Variants in AFG2A observed in about 807,000 individuals in gnomAD.
AFG2A encodes the protein ATPase family gene 2 protein homolog A.
the AFG2A span, among the ~76,000 whole-genome samples, chr4:123,165,282 C>G: frequency 0.034 from 5,226 of 152,106 alleles, 272 homozygotes; most frequent in African/African-American, 0.12. Context: ...TGAAAATGTT[C>G]TAATACTACA....
the AFG2A span, among the ~76,000 whole-genome samples, chr4:123,224,452 C>T: frequency 4.0e-5 from 6 of 151,692 alleles, no homozygotes; most frequent in African/African-American, 1.2e-4. Context: ...TGAGTGAGAA[C>T]ATGCGGTGTT....
the AFG2A span, chr4:123,315,771 C>T: frequency 2.0e-5 from 3 of 152,096 alleles, no homozygotes; most frequent in Admixed American, 1.3e-4. Context: ...TTTGTGGTGG[C>T]ATACATTCCT....
the AFG2A span, among the ~76,000 whole-genome samples, chr4:123,063,538 A>G: frequency 6.6e-6 from 1 of 152,168 alleles, no homozygotes; most frequent in Admixed American, 6.5e-5. Context: ...CGAGGTCAGG[A>G]GATCAAGATC....
At chr4:123,207,872 G>A in the AFG2A span, among the ~76,000 whole-genome samples, 1 of 152,152 alleles carries the variant, frequency 6.6e-6, no homozygotes, top group Non-Finnish European at 1.5e-5. Context: ...TGATCTATGG[G>A]TTCAGTGCAG....
chr4:123,111,070 A>G, the AFG2A span, among the ~76,000 whole-genome samples: 5 of 152,124 alleles, frequency 3.3e-5, no homozygotes, highest in African/African-American at 1.2e-4. Flanking sequence ...ATGTTACACA[A>G]AAGGAGATGG....
At chr4:123,209,527 A>T in the AFG2A span, among the ~76,000 whole-genome samples, 1 of 151,382 alleles carries the variant, frequency 6.6e-6, no homozygotes, top group Non-Finnish European at 1.5e-5. Context: ...AGGTGGCCCT[A>T]TGAACTGCGT....
chr4:122,967,702 A>G, the AFG2A span, among the ~76,000 whole-genome samples: 1 of 152,082 alleles, frequency 6.6e-6, no homozygotes, highest in Non-Finnish European at 1.5e-5. Flanking sequence ...AGGGTCTTGC[A>G]GTATTGCCGA....
the AFG2A span, among the ~76,000 whole-genome samples, chr4:123,009,919 T>TG: frequency 1.3e-5 from 2 of 152,240 alleles, no homozygotes; most frequent in African/African-American, 2.4e-5. Flanking sequence ...TTGTTCTCAG[T>TG]GGCTTTTCTT....
At chr4:122,983,073 G>A in the AFG2A span, among the ~76,000 whole-genome samples, 8 of 151,772 alleles carry the variant, frequency 5.3e-5, no homozygotes, top group East Asian at 1.4e-3. Context: ...TCACCATGTT[G>A]GTCAGGCTGG....
chr4:123,144,260 A>T, the AFG2A span, among the ~76,000 whole-genome samples: 48 of 152,184 alleles, frequency 3.2e-4, no homozygotes, highest in Middle Eastern at 3.4e-3. Context: ...TTAGCTCTAT[A>T]TATCTGTTGG....
the AFG2A span, among the ~76,000 whole-genome samples, chr4:123,249,247 G>T: frequency 1.3e-5 from 2 of 152,170 alleles, no homozygotes; most frequent in Non-Finnish European, 2.9e-5. Context: ...GTCATTCTGA[G>T]CAGAGGGAGA....
the AFG2A span, among the ~76,000 whole-genome samples, chr4:123,127,552 T>C: frequency 6.6e-6 from 1 of 152,188 alleles, no homozygotes; most frequent in Non-Finnish European, 1.5e-5. Flanking sequence ...GTAAACAGTT[T>C]TTTTTAATAA....
At chr4:123,052,079 A>C in the AFG2A span, among the ~76,000 whole-genome samples, 1 of 152,010 alleles carries the variant, frequency 6.6e-6, no homozygotes, top group African/African-American at 2.4e-5. Context: ...AGTAACCTGA[A>C]TATTTGTTCT....
the AFG2A span, among the ~76,000 whole-genome samples, chr4:123,128,537 T>A: frequency 1.3e-5 from 2 of 152,176 alleles, no homozygotes; most frequent in Non-Finnish European, 2.9e-5. Context: ...CACAAATTTT[T>A]TTTAAAGTTA....
At chr4:123,298,106 T>C in the AFG2A span, among the ~76,000 whole-genome samples, 7 of 74,074 alleles carry the variant, frequency 9.5e-5, no homozygotes, top group South Asian at 3.3e-4. Flanking sequence ...CATGCGTGCA[T>C]ACACATACAC....
At chr4:123,221,368 G>C in the AFG2A span, among the ~76,000 whole-genome samples, 1 of 151,960 alleles carries the variant, frequency 6.6e-6, no homozygotes, top group African/African-American at 2.4e-5. Flanking sequence ...TCATTGTGTT[G>C]CCCAAGCTGG....
chr4:122,969,940 T>C, the AFG2A span, among the ~76,000 whole-genome samples: 1 of 152,238 alleles, frequency 6.6e-6, no homozygotes, highest in Non-Finnish European at 1.5e-5. Context: ...TGGTATATAC[T>C]ACAGTGGCTC....
the AFG2A span, among the ~76,000 whole-genome samples, chr4:123,312,397 C>T: frequency 6.6e-6 from 1 of 152,186 alleles, no homozygotes; most frequent in African/African-American, 2.4e-5. Context: ...ACCATTGCTT[C>T]AAATTCTTGT....
the AFG2A span, among the ~76,000 whole-genome samples, chr4:123,004,175 A>G: frequency 1.3e-5 from 2 of 152,190 alleles, no homozygotes; most frequent in Non-Finnish European, 2.9e-5. Flanking sequence ...GGCAGTGTTC[A>G]GGTGGGAGTG....
Sources: allele counts gnomAD v4.1 joint callset (sites outside exome capture counted in the v4.1 genomes callset), GRCh38; gene constraint gnomAD v4.1.1; transcripts MANE v1.5; gene names NCBI Gene and HGNC (gene_info 2026-07-23, HGNC 2026-07-21).